Variants in ZNF560 observed in about 807,000 individuals in gnomAD.
ZNF560 encodes zinc finger protein 560.
Under a neutral mutation model 81.8 loss-of-function variants are expected in ZNF560, and 54 were observed. That is an observed-to-expected ratio of 0.66 (90% CI 0.53 to 0.83). The LOEUF is 0.83. Ranked by LOEUF, ZNF560 falls within the 40% of genes least tolerant of loss-of-function variation. ZNF560 has a pLI of 0.00. For missense variants in ZNF560, 940 were observed against 932.4 expected (o/e 1.01, Z -0.11); for synonymous variants, 321 against 317.9 (o/e 1.01, Z -0.10).
intron 2 of ZNF560, among the ~76,000 whole-genome samples, chr19:9,490,861 G>A (rs2073461077): frequency 6.6e-6 from 1 of 152,132 alleles, no homozygotes; most frequent in African/African-American, 2.4e-5. Flanking sequence ...ACACCACTCA[G>A]GATTGTGCAG....
upstream of ZNF560, among the ~76,000 whole-genome samples, chr19:9,499,083 GCTAAA>G (rs2073608763): frequency 6.6e-6 from 1 of 152,166 alleles, no homozygotes. Context: ...ATCTGACCTT[GCTAAA>G]CTCTAATCAT....
the ZNF560 span, among the ~76,000 whole-genome samples, chr19:9,446,676 T>G: frequency 6.6e-6 from 1 of 152,174 alleles, no homozygotes; most frequent in African/African-American, 2.4e-5. Context: ...TGAAGGAATT[T>G]TCCAGATACA....
downstream of ZNF560, among the ~76,000 whole-genome samples, chr19:9,462,541 G>A (rs1350019374): frequency 6.6e-6 from 1 of 152,146 alleles, no homozygotes; most frequent in African/African-American, 2.4e-5. Context: ...TTCTGTCTAT[G>A]TCTTTATTCC....
At chr19:9,505,203 G>A in the ZNF560 span, among the ~76,000 whole-genome samples, 1 of 152,212 alleles carries the variant, frequency 6.6e-6, no homozygotes, top group Admixed American at 6.6e-5. Context: ...TAGAATTAAA[G>A]GCATATACCA....
At chr19:9,454,188 C>G in the ZNF560 span, among the ~76,000 whole-genome samples, 3 of 152,228 alleles carry the variant, frequency 2.0e-5, no homozygotes, top group Non-Finnish European at 4.4e-5. Flanking sequence ...ATAAATAATA[C>G]ATTCAGTTAA....
chr19:9,473,234 G>T lies in ZNF560; in HGVS notation c.183C>A (p.Val61=). 1.2e-6 allele frequency: 2 copies of T among 1,612,456 alleles called. No homozygotes were observed. Among genetic ancestry groups the T allele is most frequent in the Non-Finnish European group, 1.7e-6 (2 of 1,179,296 alleles). Residue 61 remains valine, a synonymous_variant, in exon 5 of 10, where the codon GTC becomes GTA. Coordinates refer to ENST00000301480, the MANE Select transcript of ZNF560 (RefSeq NM_152476.3). ...KVGFQLFKPS[V]ISWLEEEELR... ...ACTCTTCTTCTTCCAACCAAGAGAT[G>T]ACACTGGGTTTAAAGAGCTGAAATC...
chr19:9,455,457 T>C, the ZNF560 span, among the ~76,000 whole-genome samples: 1 of 152,052 alleles, frequency 6.6e-6, no homozygotes, highest in Non-Finnish European at 1.5e-5. Flanking sequence ...CTTTTGAGAG[T>C]TGGTGGCTGG....
the ZNF560 span, among the ~76,000 whole-genome samples, chr19:9,505,623 T>C: frequency 6.6e-6 from 1 of 152,238 alleles, no homozygotes; most frequent in African/African-American, 2.4e-5. Context: ...GATTTTTTTG[T>C]GTTTACTTGA....
intron 3 of ZNF560, among the ~76,000 whole-genome samples, chr19:9,474,727 T>A (rs1057307546): frequency 2.0e-5 from 3 of 151,894 alleles, no homozygotes; most frequent in Non-Finnish European, 4.4e-5. Flanking sequence ...GGTGTGATCA[T>A]GGCTCACTGC....
the ZNF560 span, among the ~76,000 whole-genome samples, chr19:9,455,331 C>A: frequency 6.6e-6 from 1 of 152,194 alleles, no homozygotes; most frequent in Non-Finnish European, 1.5e-5. Flanking sequence ...CTTACTCGAG[C>A]CTGTCTGGCT....
Position 9,467,317 on chromosome 19 carries a change from A to G in ZNF560, c.1630T>C (p.Tyr544His). The G allele has an allele frequency of 1.2e-6, 2 of 1,614,172 alleles. No homozygotes were observed. Among genetic ancestry groups the G allele is most frequent in the Non-Finnish European group, 1.7e-6 (2 of 1,180,008 alleles). ...GCTTTACCACATTTCTTACATTGAT[A>G]GAGTCTCTCTTCTGTGTGAGTTCGC... ...HMRTHTEERLYQCKKCGKAFT... is the reference protein window; with the variant it reads ...HMRTHTEERLHQCKKCGKAFT... The change falls in exon 10 of 10, where the codon TAT becomes CAT. Residue 544 changes from tyrosine (Y) to histidine (H), a missense_variant. By Grantham distance (83) the Tyr-to-His change is moderately conservative (BLOSUM62 2). Coordinates refer to ENST00000301480, the MANE Select transcript of ZNF560 (RefSeq NM_152476.3).
intron 9 of ZNF560, 47 bp downstream of exon 9, chr19:9,469,058 G>A (rs1399623441): frequency 1.4e-6 from 2 of 1,431,494 alleles, no homozygotes; most frequent in Non-Finnish European, 1.9e-6. Flanking sequence ...TGCAATACCA[G>A]TCTTCTCTGA....
the ZNF560 span, among the ~76,000 whole-genome samples, chr19:9,454,669 C>G: frequency 6.6e-6 from 1 of 152,016 alleles, no homozygotes; most frequent in South Asian, 2.1e-4. Flanking sequence ...GAAATATTGC[C>G]CCTGGTTTCC....
chr19:9,473,095 T>C, intron 5 of ZNF560, 84 bp downstream of exon 5: 1 of 1,120,034 alleles, frequency 8.9e-7, no homozygotes, highest in South Asian at 1.3e-5. Context: ...GGTATTTCTT[T>C]CTTGCAACAC....
chr19:9,474,102 G>T, intron 4 of ZNF560, 97 bp downstream of exon 4: 2 of 1,379,956 alleles, frequency 1.4e-6, no homozygotes, highest in Non-Finnish European at 1.0e-6. Context: ...CAACGTCTCT[G>T]GTGAATTCAG....
At chr19:9,461,506 C>T (rs1435302598), downstream of ZNF560, among the ~76,000 whole-genome samples, 1 of 152,218 alleles carries the variant, frequency 6.6e-6, no homozygotes, top group Non-Finnish European at 1.5e-5. Context: ...ATTGCTGTCA[C>T]AGCTACTGCT....
the ZNF560 span, among the ~76,000 whole-genome samples, chr19:9,450,393 G>A: frequency 0.048 from 7,317 of 152,008 alleles, 599 homozygotes; most frequent in African/African-American, 0.17. Context: ...TAAAAGGCAC[G>A]CAAATAGGAC....
At chr19:9,470,035 T>A (rs1005018189) in intron 7 of ZNF560, 22 of 430,596 alleles carry the variant, frequency 5.1e-5, no homozygotes, top group Admixed American at 1.2e-4. Context: ...CAAAGAGAGA[T>A]CTTGATTCTC....
chr19:9,502,654 CTT>C (rs2073641900), upstream of ZNF560, among the ~76,000 whole-genome samples: 1 of 152,154 alleles, frequency 6.6e-6, no homozygotes, highest in Non-Finnish European at 1.5e-5. Context: ...TTATAGGTCT[CTT>C]GAGATTTTTC....
Sources: gnomAD v4.1 joint callset for allele counts (sites outside exome capture counted in the v4.1 genomes callset) on GRCh38, gnomAD v4.1.1 for gene constraint, MANE v1.5 for transcripts, NCBI Gene and HGNC (gene_info 2026-07-23, HGNC 2026-07-21) for gene names.